Variants in GRM7 observed in about 807,000 individuals in gnomAD.
GRM7 encodes the protein metabotropic glutamate receptor 7.
A neutral mutation model predicts 84.5 loss-of-function variants in GRM7; 35 were observed. That is an observed-to-expected ratio of 0.41 (90% confidence interval 0.32 to 0.55). The LOEUF (loss-of-function observed/expected upper bound fraction) is 0.55, where lower values mean the gene tolerates loss of function less well. GRM7 is among the 20% of genes least tolerant of loss of function. The probability of loss-of-function intolerance (pLI) is 0.19; values close to 1 mark genes in which losing one functional copy is unlikely to be tolerated. For missense variants in GRM7, 1,003 were observed against 1,194.6 expected (o/e 0.84, Z 2.36); for synonymous variants, 487 against 455.1 (o/e 1.07, Z -0.89).
At chr3:7,310,564 G>A (rs1329553965) in intron 4 of GRM7, among the ~76,000 whole-genome samples, 2 of 152,094 alleles carry the variant, frequency 1.3e-5, no homozygotes, top group Admixed American at 6.6e-5. Flanking sequence ...AAAAAAATGA[G>A]AAAGAAAATA....
rs746157033 is a variant in GRM7, at chr3:7,533,006, C to A, written c.1516-45416C>A. Among the ~76,000 whole-genome samples the A allele has an allele frequency of 5.5e-4, 84 of 152,066 alleles. 1 individual carries two copies. Among genetic ancestry groups the A allele is most frequent in the Admixed American group, 2.8e-3 (42 of 15,238 alleles). ...AGCACCCAGATTCATAAAGCACGTT[C>A]TTAGAGACCAACAAAGAGACTTAGA... is the stretch of plus-strand genomic sequence containing the variant. On this transcript the variant is annotated intron_variant, in intron 7 of 9. Coordinates refer to ENST00000357716, the MANE Select transcript of GRM7 (RefSeq NM_000844.4).
intron 1 of GRM7, among the ~76,000 whole-genome samples, chr3:6,898,511 C>T: frequency 6.6e-6 from 1 of 151,658 alleles, no homozygotes; most frequent in East Asian, 1.9e-4. Context: ...AAGATAAAGT[C>T]AATATTTGAA....
At chr3:7,294,547 C>T (rs1277010815) in intron 2 of GRM7, among the ~76,000 whole-genome samples, 1 of 139,358 alleles carries the variant, frequency 7.2e-6, no homozygotes, top group African/African-American at 2.9e-5. Flanking sequence ...CTCTATGCCA[C>T]CTTCCTAAGA....
chr3:7,221,838 A>T (rs1575049482), intron 2 of GRM7, among the ~76,000 whole-genome samples: 5 of 107,848 alleles, frequency 4.6e-5, no homozygotes, highest in Admixed American at 1.3e-4. Context: ...ATGGAGTCTT[A>T]CTCTGTCGCC....
chr3:7,183,944 A>C (rs768050199), intron 2 of GRM7, among the ~76,000 whole-genome samples: 2 of 152,208 alleles, frequency 1.3e-5, no homozygotes, highest in African/African-American at 4.8e-5. Context: ...CAGATAGAAA[A>C]ATGATACTTT....
At chr3:7,556,897 A>G (rs1159307101) in intron 7 of GRM7, among the ~76,000 whole-genome samples, 5 of 152,198 alleles carry the variant, frequency 3.3e-5, no homozygotes, top group African/African-American at 1.2e-4. Flanking sequence ...ATATGGCTGT[A>G]AAGCTCAGCT....
chr3:6,917,494 CTTTTTT>C lies in GRM7; in HGVS notation c.519+55600_519+55605del, dbSNP rs35883512. Among the ~76,000 whole-genome samples the C allele has an allele frequency of 5.7e-3, 716 of 126,360 alleles. 7 individuals are homozygous for C. The highest frequency in any genetic ancestry group is 0.02 in the African/African-American group (687 of 33,948). The allele number at this position is 126,360 out of a possible 152,430, so 82.9% of individuals were successfully genotyped here. A position where few individuals can be genotyped will look rare whatever the true frequency, so the allele number is the denominator to read the frequency against. On this transcript the variant is annotated intron_variant, in intron 1 of 9. Coordinates refer to ENST00000357716, the MANE Select transcript of GRM7 (RefSeq NM_000844.4). ...GAAATCAATGAAGTTTTGTTAATTG[CTTTTTT>C]TTTTTTTTTTTTGGAAAGAGAAGAT...
chr3:6,940,349 G>A (rs938913533), intron 1 of GRM7, among the ~76,000 whole-genome samples: 6 of 152,090 alleles, frequency 3.9e-5, no homozygotes, highest in African/African-American at 9.7e-5. Flanking sequence ...CTCGGCCTCC[G>A]AAAGTGCTGG....
intron 4 of GRM7, among the ~76,000 whole-genome samples, chr3:7,309,111 C>T (rs148780659): frequency 3.3e-5 from 5 of 152,206 alleles, no homozygotes; most frequent in East Asian, 1.9e-4. Flanking sequence ...TGGCCATGTA[C>T]AAAAATGCTG....
intron 7 of GRM7, among the ~76,000 whole-genome samples, chr3:7,516,367 CT>C (rs112640239): frequency 0.1 from 15,234 of 147,698 alleles, 1,360 homozygotes; most frequent in African/African-American, 0.24. Flanking sequence ...GTCCCAGCTA[CT>C]TGGGGGGCTG....
rs1321042748 is a variant in GRM7 at position 6,862,574 on chromosome 3, C to T, written c.519+667C>T. Among the ~76,000 whole-genome samples, 2 of 152,284 alleles carry T rather than the reference C, an allele frequency of 1.3e-5. No individual in the cohort carries two copies. The highest frequency in any genetic ancestry group is 3.9e-4 in the East Asian group (2 of 5,154). ...GACGTGACCCCCGGTTGGTTTGCTCCGGGCAATATTTTGCACCGTCTAAAT... is the reference window on the plus strand; with the variant it reads ...GACGTGACCCCCGGTTGGTTTGCTCTGGGCAATATTTTGCACCGTCTAAAT... On this transcript the variant is annotated intron_variant, in intron 1 of 9. Transcript: ENST00000357716. This position sits in a 1 kb window ranked among gnomAD's most constrained non-coding sequence, Gnocchi z 5.2.
chr3:6,955,254 G>A (rs550770216), intron 1 of GRM7, among the ~76,000 whole-genome samples: 3 of 152,262 alleles, frequency 2.0e-5, no homozygotes, highest in East Asian at 3.9e-4. Context: ...ATAGAATGAC[G>A]GCCGGGGCTG....
intron 8 of GRM7, among the ~76,000 whole-genome samples, chr3:7,628,829 T>C (rs139726150): frequency 2.6e-5 from 4 of 152,282 alleles, no homozygotes; most frequent in African/African-American, 9.6e-5. Context: ...ATAAGACTGC[T>C]CACCTCCAGG....
intron 1 of GRM7, among the ~76,000 whole-genome samples, chr3:6,952,080 A>G (rs1414389161): frequency 6.6e-6 from 1 of 151,692 alleles, no homozygotes; most frequent in Non-Finnish European, 1.5e-5. Context: ...TTTGTTTTCT[A>G]TTTGTTTCAG....
intron 2 of GRM7, among the ~76,000 whole-genome samples, chr3:7,220,426 C>G (rs1575047610): frequency 1.3e-5 from 2 of 152,140 alleles, no homozygotes; most frequent in South Asian, 4.1e-4. Flanking sequence ...ATACATCAGA[C>G]AAATCCTAAT....
chr3:7,641,815 G>A (rs977266428), intron 8 of GRM7, among the ~76,000 whole-genome samples: 2 of 152,060 alleles, frequency 1.3e-5, no homozygotes, highest in African/African-American at 4.8e-5. Flanking sequence ...AGGACTTAAT[G>A]TCTAATACAT....
At chr3:7,597,177 G>A (rs770666356) in intron 8 of GRM7, among the ~76,000 whole-genome samples, 5 of 152,114 alleles carry the variant, frequency 3.3e-5, no homozygotes, top group Non-Finnish European at 5.9e-5. Context: ...AATCACAGTG[G>A]AAGACGAGGG....
chr3:6,974,224 A>G (rs531222157), intron 1 of GRM7, among the ~76,000 whole-genome samples: 5 of 152,158 alleles, frequency 3.3e-5, no homozygotes, highest in African/African-American at 9.7e-5. Flanking sequence ...CGAAATGTGT[A>G]GCATGTTGAT....
intron 9 of GRM7, among the ~76,000 whole-genome samples, chr3:7,699,187 A>T (rs893569939): frequency 1.3e-5 from 2 of 152,196 alleles, no homozygotes; most frequent in Non-Finnish European, 2.9e-5. Flanking sequence ...TCAAAGTTTG[A>T]TTTCAGGTAA....
Sources: allele counts gnomAD v4.1 joint callset (sites outside exome capture counted in the v4.1 genomes callset), GRCh38; gene constraint gnomAD v4.1.1; non-coding constraint Gnocchi (gnomAD v3.1); transcripts MANE v1.5; gene names NCBI Gene and HGNC (gene_info 2026-07-23, HGNC 2026-07-21).